The following ZNF823 variants were observed in gnomAD, a reference collection of about 807,000 sequenced individuals.
ZNF823 encodes zinc finger protein 823, also known as ZFP 36 for a zinc finger protein.
In ZNF823, 5 loss-of-function variants were observed where a neutral mutation model predicts 11.4. The observed-to-expected ratio is 0.44, with a 90% CI of 0.23 to 0.92. The LOEUF is 0.92. Ranked by LOEUF, ZNF823 falls within the 40% of genes least tolerant of loss-of-function variation. ZNF823 has a pLI of 0.24. For synonymous variants in ZNF823, 234 were observed against 250.5 expected (o/e 0.93, Z 0.62); for missense variants, 582 against 738.5 (o/e 0.79, Z 2.46).
intron 1 of ZNF823, among the ~76,000 whole-genome samples, chr19:11,732,169 C>CTTTTTTTTTTTTTTT (rs1170787951): frequency 1.5e-5 from 2 of 135,578 alleles, no homozygotes; most frequent in Admixed American, 7.5e-5. Flanking sequence ...AAAGGTTTCC[C>CTTTTTTTTTTTTTTT]TTTTTTTTTT....
At chr19:11,734,651 C>T (rs1974960540) in intron 1 of ZNF823, among the ~76,000 whole-genome samples, 1 of 152,136 alleles carries the variant, frequency 6.6e-6, no homozygotes, top group Admixed American at 6.5e-5. Flanking sequence ...GATTCTCCTG[C>T]CTCAGCCTCC....
chr19:11,726,492 G>A (rs996969157), intron 1 of ZNF823, among the ~76,000 whole-genome samples: 5 of 137,028 alleles, frequency 3.6e-5, no homozygotes, highest in Non-Finnish European at 7.6e-5. Flanking sequence ...GACTTGATTG[G>A]ATCTTGAGGT....
intron 1 of ZNF823, chr19:11,730,932 T>A (rs1974881548): frequency 6.8e-6 from 1 of 148,110 alleles, no homozygotes; most frequent in African/African-American, 2.5e-5. Context: ...AGCCGTGGAA[T>A]ATGAGAGTGA....
At chr19:11,736,481 T>C (rs1568471317) in intron 1 of ZNF823, among the ~76,000 whole-genome samples, 1 of 152,128 alleles carries the variant, frequency 6.6e-6, no homozygotes, top group African/African-American at 2.4e-5. Flanking sequence ...ATCCCACCAC[T>C]GCACTCCAGC....
Position 11,738,870 on chromosome 19 carries a change from C to A in ZNF823, c.-51G>T. ...TCCTCCTTAAAAGCCAGTGTGGGTC[C>A]CAGCGCGACAGACGCTGATACAGAC... On this transcript the variant is annotated 5_prime_UTR_variant, in exon 1 of 4. Transcript: ENST00000341191. The A allele has an allele frequency of 1.9e-6, 3 of 1,595,044 alleles. No individual in the cohort carries two copies. The highest frequency in any genetic ancestry group is 2.6e-6 in the Non-Finnish European group (3 of 1,171,332).
Position 11,722,693 on chromosome 19 carries a change from A to C in ZNF823, c.841T>G (p.Cys281Gly), listed in dbSNP as rs1328027537. Residue 281 changes from cysteine to glycine, a missense_variant, in exon 4 of 4, where the codon TGT becomes GGT. Physicochemically the swap from Cys to Gly is radical, Grantham distance 159. This residue lies in a region of ZNF823 where 429 missense variants were observed against 553.7 expected (regional missense o/e 0.77). Transcript: ENST00000341191. The surrounding 1 kb of genome is among the most constrained non-coding windows in gnomAD (Gnocchi z 5.2). Reference sequence around the variant, plus strand: ...TAGTAACAGCTGAAGGCTTTCCCACATTGTGTACATTTATAGGGTTTCTCT... The same window carrying C: ...TAGTAACAGCTGAAGGCTTTCCCACCTTGTGTACATTTATAGGGTTTCTCT... ...TGEKPYKCTQCGKAFSCYYYT... is the reference protein window; with the variant it reads ...TGEKPYKCTQGGKAFSCYYYT... The C allele has an allele frequency of 6.2e-7, 1 of 1,614,140 alleles. No individual in the cohort carries two copies. The highest frequency in any genetic ancestry group is 8.5e-7 in the Non-Finnish European group (1 of 1,180,010).
intron 1 of ZNF823, among the ~76,000 whole-genome samples, chr19:11,737,790 C>T (rs1448185916): frequency 6.6e-6 from 1 of 152,022 alleles, no homozygotes; most frequent in African/African-American, 2.4e-5. Flanking sequence ...CTGGGGAAGG[C>T]TCTGAAAACC....
At chr19:11,738,765 G>C (rs1975042601) in intron 1 of ZNF823, 52 bp downstream of exon 1, 1 of 1,587,264 alleles carries the variant, frequency 6.3e-7, no homozygotes, top group African/African-American at 1.3e-5. Context: ...GGTTCCGGCC[G>C]GTTCCAACCT....
intron 3 of ZNF823, among the ~76,000 whole-genome samples, 169 bp from the exon 4 acceptor site, chr19:11,723,511 C>T (rs537402671): frequency 6.6e-6 from 1 of 152,316 alleles, no homozygotes; most frequent in East Asian, 1.9e-4. Context: ...CAGCTATTAG[C>T]AAAACAGTGA....
chr19:11,726,970 T>C (rs372607262), intron 1 of ZNF823, among the ~76,000 whole-genome samples: 13 of 152,280 alleles, frequency 8.5e-5, no homozygotes, highest in African/African-American at 3.1e-4. Flanking sequence ...AGACCAAATG[T>C]AGTTAAGCGT....
intron 1 of ZNF823, among the ~76,000 whole-genome samples, chr19:11,725,655 T>C (rs747986412): frequency 1.2e-4 from 19 of 152,152 alleles, no homozygotes; most frequent in Non-Finnish European, 2.1e-4. Context: ...CAACTACCTA[T>C]TGTGTAGAAG....
At position 11,721,496 on chromosome 19, in the gene ZNF823, C is replaced by A; in HGVS notation, c.*205G>T. 1.8e-6 allele frequency: 1 copy of A among 542,644 alleles called. No homozygotes were observed. The highest frequency in any genetic ancestry group is 3.2e-6 in the Non-Finnish European group (1 of 309,138). 33.6% of individuals were successfully genotyped at this position (542,644 alleles called of 1,614,324 possible). On this transcript the variant is annotated 3_prime_UTR_variant, in exon 4 of 4. Coordinates refer to ENST00000341191, the MANE Select transcript of ZNF823 (RefSeq NM_001080493.4). ...TATGCATAGGTTACATGCAAATATG[C>A]CATATAACAAAGGACTTGGCATCTG...
At chr19:11,727,808 T>C (rs997616778) in intron 1 of ZNF823, among the ~76,000 whole-genome samples, 1 of 152,170 alleles carries the variant, frequency 6.6e-6, no homozygotes, top group African/African-American at 2.4e-5. Context: ...AGATCAGGTC[T>C]TACTTGCAAA....
intron 3 of ZNF823, 45 bp downstream of exon 3, chr19:11,724,149 T>G: frequency 6.7e-7 from 1 of 1,489,826 alleles, no homozygotes; most frequent in South Asian, 1.3e-5. Flanking sequence ...TATCATTCTA[T>G]GAACCACTGC....
rs200478828 is a variant in ZNF823 at position 11,722,815 on chromosome 19, C to A, written c.719G>T (p.Arg240Ile). 12 of 1,614,032 alleles carry A rather than the reference C, an allele frequency of 7.4e-6. No individual in the cohort carries two copies. Among genetic ancestry groups the A allele is most frequent in the Admixed American group, 5.0e-5 (3 of 60,002 alleles). The change falls in exon 4 of 4, where the codon AGA (arginine) becomes ATA (isoleucine). Residue 240 changes from arginine (R) to isoleucine (I), a missense_variant. Transcript: ENST00000341191. This position sits in a 1 kb window ranked among gnomAD's most constrained non-coding sequence, Gnocchi z 5.2. ...PFYSSYLRHE[R>I]IHTGEKAYEC... Reference sequence around the variant, plus strand: ...ATACGCTTTCTCTCCCGTGTGGATTCTTTCATGTCTTAGATAGGAACTGTA... The same window carrying A: ...ATACGCTTTCTCTCCCGTGTGGATTATTTCATGTCTTAGATAGGAACTGTA...
rs776785223 is a variant in ZNF823, at chr19:11,722,793, C to A, written c.741G>T (p.Ala247=). The A allele has an allele frequency of 9.9e-6, 16 of 1,613,868 alleles. No homozygotes were observed. The Admixed American group carries it at 1.0e-4, about 10-fold the overall frequency. The change falls in exon 4 of 4, where the codon GCG becomes GCT. Residue 247 remains alanine (A), a synonymous_variant. Transcript: ENST00000341191. The surrounding 1 kb of genome is among the most constrained non-coding windows in gnomAD (Gnocchi z 5.2). The part of the protein sequence containing the change: ...RHERIHTGEK[A]YECKQCSKAF... The stretch of plus-strand genomic sequence containing the variant: ...CTTTGGAACACTGCTTACATTCATA[C>A]GCTTTCTCTCCCGTGTGGATTCTTT...
chr19:11,734,835 T>G (rs73500544), intron 1 of ZNF823, among the ~76,000 whole-genome samples: 12,752 of 152,054 alleles, frequency 0.084, 1,164 homozygotes, highest in African/African-American at 0.23. Flanking sequence ...CATGCGCCCA[T>G]CCACAATCCC....
Position 11,722,486 on chromosome 19 carries a change from G to C in ZNF823, c.1048C>G (p.His350Asp). 1 of 1,614,210 alleles carries C rather than the reference G, an allele frequency of 6.2e-7. No individual in the cohort carries two copies. The highest frequency in any genetic ancestry group is 8.5e-7 in the Non-Finnish European group (1 of 1,180,034). ...GFDCPSSVRN[H>D]ETTHTGEKPY... is the part of the protein sequence containing the mutation. ...TTCTCTCCAGTGTGAGTAGTTTCAT[G>C]ATTTCGAACTGAACTAGGACAATCA... The change falls in exon 4 of 4, where the codon CAT becomes GAT. Residue 350 changes from histidine to aspartate, a missense_variant. Physicochemically the swap from His to Asp is moderately conservative, Grantham distance 81. This residue lies in a region of ZNF823 where 429 missense variants were observed against 553.7 expected (regional missense o/e 0.77). Coordinates refer to ENST00000341191, the MANE Select transcript of ZNF823 (RefSeq NM_001080493.4). This position sits in a 1 kb window ranked among gnomAD's most constrained non-coding sequence, Gnocchi z 5.2.
intron 1 of ZNF823, among the ~76,000 whole-genome samples, chr19:11,735,593 T>A (rs1289854674): frequency 6.6e-6 from 1 of 151,910 alleles, no homozygotes; most frequent in Non-Finnish European, 1.5e-5. Flanking sequence ...GCCAGGGAGG[T>A]TCCCCAGGAA....
Sources: gnomAD v4.1 joint callset for allele counts (sites outside exome capture counted in the v4.1 genomes callset) on GRCh38, gnomAD v4.1.1 for gene constraint, gnomAD v4.1.1 regional missense constraint, Gnocchi (gnomAD v3.1) non-coding constraint, MANE v1.5 for transcripts, NCBI Gene and HGNC (gene_info 2026-07-23, HGNC 2026-07-21) for gene names.